The following S100A5 variants were observed in gnomAD, a reference collection of about 807,000 sequenced individuals.
S100A5 encodes the protein S100 calcium binding protein A5.
S100A5 carries 5 observed loss-of-function variants against 6.7 expected under a neutral mutation model. That is an observed-to-expected ratio of 0.75 (90% confidence interval 0.39 to 1.57). The LOEUF is 1.57. S100A5 is among the 40% of genes most tolerant of loss of function. The pLI, the probability that S100A5 is intolerant of heterozygous loss-of-function variation, is 0.03. For missense variants in S100A5, 129 were observed against 110.8 expected (o/e 1.16, Z -0.74); for synonymous variants, 49 against 44.9 (o/e 1.09, Z -0.37).
upstream of S100A5, chr1:153,541,488 G>A: frequency 7.3e-7 from 1 of 1,364,418 alleles, no homozygotes; most frequent in Non-Finnish European, 9.8e-7. Flanking sequence ...ATCCAGGGGA[G>A]AGAAAGGGCC....
chr1:153,543,156 G>T, upstream of S100A5: 1 of 920,646 alleles, frequency 1.1e-6, no homozygotes, highest in Non-Finnish European at 1.3e-6. Flanking sequence ...CGTCAGCACT[G>T]AGTGCCAGCC....
chr1:153,540,040 GAACA>G lies in S100A5; in HGVS notation c.138+10_138+13del. 6.2e-7 allele frequency: 1 copy of G among 1,613,596 alleles called. No individual in the cohort carries two copies. The highest frequency in any genetic ancestry group is 8.5e-7 in the Non-Finnish European group (1 of 1,179,722). On this transcript the variant is annotated intron_variant, in intron 2 of 2. Coordinates refer to ENST00000368717, the MANE Select transcript of S100A5 (RefSeq NM_001394232.1). ...TCAGACTTTGGGGTGGAGGATGAGGGAACAATCACCTACCTCCCCAAGACACAGC... is the reference window on the plus strand; with the variant it reads ...TCAGACTTTGGGGTGGAGGATGAGGGATCACCTACCTCCCCAAGACACAGC...
chr1:153,539,965 C>G, intron 2 of S100A5, 89 bp downstream of exon 2: 1 of 1,521,852 alleles, frequency 6.6e-7, no homozygotes, highest in Non-Finnish European at 9.0e-7. Context: ...CTGCCCCTGG[C>G]TTAGGCTGGA....
At chr1:153,540,337 C>T (rs897326639) in intron 1 of S100A5, 132 bp from the exon 2 acceptor site, 16 of 852,826 alleles carry the variant, frequency 1.9e-5, no homozygotes, top group East Asian at 1.6e-4. Context: ...CTAACAAGAG[C>T]GCCCATCTAT....
intron 1 of S100A5, 87 bp from the exon 2 acceptor site, chr1:153,540,292 C>T (rs1665344228): frequency 1.4e-6 from 2 of 1,398,554 alleles, no homozygotes; most frequent in South Asian, 1.3e-5. Flanking sequence ...CCTCAAAGAA[C>T]AAGAGACTGG....
At chr1:153,541,901 G>A (rs778468117), upstream of S100A5, 199 of 1,004,686 alleles carry the variant, frequency 2.0e-4, no homozygotes, top group Non-Finnish European at 2.2e-4. Flanking sequence ...TATTTTCTGC[G>A]AAGGATATGG....
chr1:153,537,623 AG>A (rs1213562623), intron 2 of S100A5, among the ~76,000 whole-genome samples, 187 bp from the exon 3 acceptor site: 2 of 152,148 alleles, frequency 1.3e-5, no homozygotes, highest in Non-Finnish European at 2.9e-5. Flanking sequence ...GGCATGAGGT[AG>A]GGGGTCAGGG....
upstream of S100A5, chr1:153,543,543 G>A (rs1233661019): frequency 1.8e-6 from 1 of 561,898 alleles, no homozygotes. Context: ...TCAACTCCCA[G>A]CTCTCCCCAC....
In S100A5 at chr1:153,540,126, T is replaced by C. The variant is rs897630189; in HGVS notation, c.66A>G (p.Arg22=). ...MVTTFHKYSG[R]EGSKLTLSRK... ...TACTCAGGGTCAGTTTGCTACCCTCTCTCCCCGAATATTTGTGAAACGTGG... is the reference window on the plus strand; with the variant it reads ...TACTCAGGGTCAGTTTGCTACCCTCCCTCCCCGAATATTTGTGAAACGTGG... The change falls in exon 2 of 3, where the codon AGA becomes AGG. Residue 22 remains arginine (R), a synonymous_variant. Transcript: ENST00000368717. The C allele has an allele frequency of 6.2e-7, 1 of 1,614,142 alleles. No homozygotes were observed. The highest frequency in any genetic ancestry group is 8.5e-7 in the Non-Finnish European group (1 of 1,180,014).
At chr1:153,540,994 C>A (rs1665367527), upstream of S100A5, among the ~76,000 whole-genome samples, 2 of 152,164 alleles carry the variant, frequency 1.3e-5, no homozygotes, top group Non-Finnish European at 2.9e-5. Context: ...GGAGGCAACA[C>A]CCACGGAACT....
chr1:153,541,966 C>T (rs1665404252), upstream of S100A5: 2 of 889,368 alleles, frequency 2.2e-6, no homozygotes, highest in Non-Finnish European at 2.7e-6. Flanking sequence ...TTTAAATGAA[C>T]GATTTCTTCT....
rs777059589 is a variant in S100A5, at chr1:153,537,323, G to A, written c.252C>T (p.Asn84=). The change falls in exon 3 of 3, where the codon AAC becomes AAT. Residue 84 remains asparagine, a synonymous_variant. Transcript: ENST00000368717. ...VFLTMLCMAY[N]DFFLEDNK Reference sequence around the variant, plus strand: ...ACTTGTTGTCCTCTAGAAAGAAGTCGTTGTAGGCCATGCACAGCATGGTCA... The same window carrying A: ...ACTTGTTGTCCTCTAGAAAGAAGTCATTGTAGGCCATGCACAGCATGGTCA... 45 of 1,614,004 alleles carry A rather than the reference G, an allele frequency of 2.8e-5. No homozygotes were observed. Among genetic ancestry groups the A allele is most frequent in the Admixed American group, 1.2e-4 (7 of 60,012 alleles).
rs751690495 is a variant in S100A5, at chr1:153,537,408, A to G, written c.167T>C (p.Met56Thr). Residue 56 changes from methionine (M) to threonine (T), a missense_variant, in exon 3 of 3, where the codon ATG becomes ACG. Met to Thr is a moderately conservative substitution (Grantham distance 81, BLOSUM62 -1). Transcript: ENST00000368717. ...EMKESSIDDL[M>T]KSLDKNSDQE... ...GTCGCTGTTCTTGTCCAGGCTCTTC[A>G]TCAAGTCATCGATGCTGCTCTCCTT... 2.5e-6 allele frequency: 4 copies of G among 1,614,020 alleles called. No individual in the cohort carries two copies. The highest frequency in any genetic ancestry group is 1.3e-5 in the African/African-American group (1 of 74,908).
upstream of S100A5, chr1:153,541,541 C>T: frequency 7.6e-7 from 1 of 1,308,520 alleles, no homozygotes. Flanking sequence ...ACGTCAGAGC[C>T]TCCCGGGATG....
upstream of S100A5, chr1:153,543,573 C>A (rs1665453873): frequency 1.5e-6 from 1 of 660,408 alleles, no homozygotes; most frequent in Non-Finnish European, 2.6e-6. Flanking sequence ...ACAACATATC[C>A]CTCAGTCCCC....
At chr1:153,538,098 A>C (rs1665245942) in intron 2 of S100A5, among the ~76,000 whole-genome samples, 1 of 152,160 alleles carries the variant, frequency 6.6e-6, no homozygotes, top group African/African-American at 2.4e-5. Context: ...GCATTATCCA[A>C]GTCTCTGAGT....
At chr1:153,541,533 G>A (rs760502562), upstream of S100A5, 39 of 1,323,920 alleles carry the variant, frequency 2.9e-5, no homozygotes, top group East Asian at 1.5e-4. Flanking sequence ...GGATGCCCAC[G>A]TCAGAGCCTC....
At chr1:153,543,663 A>T, upstream of S100A5, 1 of 1,159,804 alleles carries the variant, frequency 8.6e-7, no homozygotes, top group Non-Finnish European at 1.2e-6. Flanking sequence ...AGCATCAAGC[A>T]CGTGTCTGAA....
chr1:153,540,471 G>A (rs754583100), intron 1 of S100A5, 150 bp downstream of exon 1: 3 of 296,180 alleles, frequency 1.0e-5, no homozygotes, highest in African/African-American at 6.4e-5. Flanking sequence ...TAGGCCTGAG[G>A]CAGAAAGATG....
Sources: allele counts gnomAD v4.1 joint callset (sites outside exome capture counted in the v4.1 genomes callset), GRCh38; gene constraint gnomAD v4.1.1; transcripts MANE v1.5; gene names NCBI Gene and HGNC (gene_info 2026-07-23, HGNC 2026-07-21).